HS3ST4: variants seen among roughly 807,000 people sequenced by gnomAD.
HS3ST4 encodes heparan sulfate glucosamine 3-O-sulfotransferase 4.
HS3ST4 carries 17 observed loss-of-function variants against 29.2 expected under a neutral mutation model. That is an observed-to-expected ratio of 0.58 (90% CI 0.40 to 0.87). The LOEUF (loss-of-function observed/expected upper bound fraction) is 0.87, where lower values mean the gene tolerates loss of function less well. Among genes scored for constraint, HS3ST4 ranks in the 40% least tolerant of loss-of-function variants. The pLI is 0.00. For synonymous variants in HS3ST4, 314 were observed against 285.7 expected (o/e 1.10, Z -1.00); for missense variants, 627 against 634.5 (o/e 0.99, Z 0.13).
At chr16:26,118,185 C>T (rs566622219) in intron 1 of HS3ST4, among the ~76,000 whole-genome samples, 27 of 152,266 alleles carry the variant, frequency 1.8e-4, no homozygotes, top group African/African-American at 5.8e-4. Context: ...CCCACCTTAG[C>T]CTCCTGAGTA....
intron 1 of HS3ST4, among the ~76,000 whole-genome samples, chr16:26,117,207 A>C: frequency 6.6e-6 from 1 of 152,218 alleles, no homozygotes; most frequent in Admixed American, 6.5e-5. Context: ...CAGGCCATCG[A>C]ACCATTTGCA....
intron 1 of HS3ST4, among the ~76,000 whole-genome samples, chr16:25,889,375 A>G (rs921723288): frequency 5.3e-5 from 8 of 152,316 alleles, no homozygotes; most frequent in African/African-American, 1.2e-4. Context: ...GGGACTTCCC[A>G]TCGCCAGACT....
intron 1 of HS3ST4, among the ~76,000 whole-genome samples, chr16:25,944,649 C>T (rs1415226401): frequency 6.6e-6 from 1 of 152,208 alleles, no homozygotes; most frequent in African/African-American, 2.4e-5. Context: ...CCATGAGCTA[C>T]CTAACAGGTG....
intron 1 of HS3ST4, among the ~76,000 whole-genome samples, chr16:25,757,083 G>A (rs144298763): frequency 7.8e-4 from 119 of 152,288 alleles, no homozygotes; most frequent in African/African-American, 2.8e-3. Context: ...GAACTGGCAT[G>A]TAAGGCTGAG....
At chr16:25,980,521 T>C (rs781148741) in intron 1 of HS3ST4, among the ~76,000 whole-genome samples, 1 of 152,156 alleles carries the variant, frequency 6.6e-6, no homozygotes, top group Non-Finnish European at 1.5e-5. Context: ...GTATTCTCCA[T>C]ATGCTTGGCA....
intron 1 of HS3ST4, among the ~76,000 whole-genome samples, chr16:25,904,107 AATGG>A (rs146106307): frequency 0.52 from 73,491 of 142,302 alleles, 20,097 homozygotes; most frequent in Middle Eastern, 0.66. Flanking sequence ...TGAATGGATG[AATGG>A]ATGGATGGAT....
intron 1 of HS3ST4, among the ~76,000 whole-genome samples, chr16:26,114,303 C>G (rs1899173541): frequency 6.6e-6 from 1 of 152,150 alleles, no homozygotes; most frequent in African/African-American, 2.4e-5. Context: ...TATTTCTGCT[C>G]AGTTGCACCA....
intron 1 of HS3ST4, among the ~76,000 whole-genome samples, chr16:26,075,213 G>T (rs1027815732): frequency 6.6e-6 from 1 of 152,080 alleles, no homozygotes; most frequent in Non-Finnish European, 1.5e-5. Flanking sequence ...CTCACACCAT[G>T]TGTCATTAAG....
chr16:26,022,403 C>T (rs1047958078), intron 1 of HS3ST4, among the ~76,000 whole-genome samples: 2 of 152,164 alleles, frequency 1.3e-5, no homozygotes, highest in Non-Finnish European at 2.9e-5. Context: ...ATAGTGGACA[C>T]TTACTGAAAA....
chr16:25,789,707 A>T (rs1451954390), intron 1 of HS3ST4, among the ~76,000 whole-genome samples: 2 of 152,266 alleles, frequency 1.3e-5, no homozygotes, highest in African/African-American at 4.8e-5. Context: ...GATCCAGAAC[A>T]CTGCCCAGAA....
At chr16:26,060,744 CA>C (rs1898465264) in intron 1 of HS3ST4, among the ~76,000 whole-genome samples, 1 of 152,180 alleles carries the variant, frequency 6.6e-6, no homozygotes, top group Non-Finnish European at 1.5e-5. Flanking sequence ...AGGCATAAAG[CA>C]GCAGTTTCTA....
intron 1 of HS3ST4, among the ~76,000 whole-genome samples, chr16:25,701,696 A>G (rs1239765185): frequency 1.3e-5 from 2 of 152,350 alleles, no homozygotes; most frequent in South Asian, 2.1e-4. Flanking sequence ...TTCATTAAAC[A>G]TGTATTATCA....
chr16:25,758,859 G>A (rs1163356553), intron 1 of HS3ST4, among the ~76,000 whole-genome samples: 1 of 152,048 alleles, frequency 6.6e-6, no homozygotes, highest in Non-Finnish European at 1.5e-5. Flanking sequence ...GGGAGGCTGA[G>A]GCATGAGAAT....
intron 1 of HS3ST4, among the ~76,000 whole-genome samples, chr16:25,905,352 G>GCAGGTGTTAAACAGGT (rs1968168819): frequency 1.3e-5 from 2 of 152,254 alleles, no homozygotes; most frequent in South Asian, 4.2e-4. Context: ...GGAGGGTGGG[G>GCAGGTGTTAAACAGGT]CAGGTGTTAA....
chr16:25,870,336 G>A (rs1001426828), intron 1 of HS3ST4, among the ~76,000 whole-genome samples: 6 of 152,058 alleles, frequency 3.9e-5, no homozygotes, highest in African/African-American at 1.4e-4. Flanking sequence ...AGGATGGATG[G>A]ACAATACCTA....
intron 1 of HS3ST4, among the ~76,000 whole-genome samples, chr16:25,723,079 C>T (rs911822337): frequency 8.5e-5 from 13 of 152,210 alleles, no homozygotes; most frequent in Admixed American, 2.0e-4. Context: ...TATTCACTAC[C>T]GTAAGAACAA....
At chr16:26,076,732 G>A (rs1898668779) in intron 1 of HS3ST4, among the ~76,000 whole-genome samples, 1 of 152,160 alleles carries the variant, frequency 6.6e-6, no homozygotes. Context: ...TATGAGGATG[G>A]TAGGAAACAG....
At chr16:26,073,284 A>G (rs747689071) in intron 1 of HS3ST4, among the ~76,000 whole-genome samples, 7 of 152,242 alleles carry the variant, frequency 4.6e-5, no homozygotes, top group Non-Finnish European at 8.8e-5. Flanking sequence ...AAATTTGTGT[A>G]GTCAGAATTA....
intron 1 of HS3ST4, among the ~76,000 whole-genome samples, chr16:25,867,845 T>G (rs143679920): frequency 6.6e-6 from 1 of 152,188 alleles, no homozygotes; most frequent in Non-Finnish European, 1.5e-5. Flanking sequence ...TGTAGGTTAG[T>G]CTTCATCGGG....
Sources: gnomAD v4.1 joint callset for allele counts (sites outside exome capture counted in the v4.1 genomes callset) on GRCh38, gnomAD v4.1.1 for gene constraint, MANE v1.5 for transcripts, NCBI Gene and HGNC (gene_info 2026-07-23, HGNC 2026-07-21) for gene names.